KDM1A: variants seen among roughly 807,000 people sequenced by gnomAD.
The protein encoded by KDM1A is lysine demethylase 1A.
In KDM1A, 49 loss-of-function variants were observed where a neutral mutation model predicts 109.4. That is an observed-to-expected ratio of 0.45 (90% CI 0.36 to 0.57). The LOEUF is 0.57. Ranked by LOEUF, KDM1A falls within the 20% of genes least tolerant of loss-of-function variation. The pLI, the probability that KDM1A is intolerant of heterozygous loss-of-function variation, is 0.00. For missense variants in KDM1A, 668 were observed against 1,116.6 expected, an observed-to-expected ratio of 0.60 and a Z score of 5.73; for synonymous variants, 380 against 415.4, an observed-to-expected ratio of 0.91 and a Z score of 1.04.
chr1:23,080,510 C>G (rs546882797), intron 18 of KDM1A, among the ~76,000 whole-genome samples: 13 of 152,322 alleles, frequency 8.5e-5, no homozygotes, highest in Non-Finnish European at 1.8e-4. Flanking sequence ...TAGTGACTTT[C>G]TACTGCTGAA....
At chr1:23,081,950 G>A in intron 19 of KDM1A, 1 of 441,700 alleles carries the variant, frequency 2.3e-6, no homozygotes, top group Non-Finnish European at 4.0e-6. Flanking sequence ...GAAGGATATT[G>A]TGAATTTATA....
Position 23,019,781 on chromosome 1 carries a change from A to G in KDM1A, c.185A>G (p.Lys62Arg). The change falls in exon 1 of 21, where the codon AAG (lysine) becomes AGG (arginine). Residue 62 changes from lysine (K) to arginine (R), a missense_variant. Coordinates refer to ENST00000400181, the MANE Select transcript of KDM1A (RefSeq NM_001009999.3). The stretch of plus-strand genomic sequence containing the variant: ...GCGGTGGGGGAGCGCACACCCCGCA[A>G]GAAAGAGCCTCCGCGGGCCTCGCCC... ...PGAVGERTPRKKEPPRASPPG... is the reference protein window; with the variant it reads ...PGAVGERTPRRKEPPRASPPG... 1 of 1,376,742 alleles carries G rather than the reference A, an allele frequency of 7.3e-7. No homozygotes were observed. The highest frequency in any genetic ancestry group is 9.4e-7 in the Non-Finnish European group (1 of 1,064,338). 85.3% of individuals were successfully genotyped at this position (1,376,742 alleles called of 1,614,324 possible).
At chr1:23,028,498 T>A (rs555127505) in intron 1 of KDM1A, among the ~76,000 whole-genome samples, 1 of 152,242 alleles carries the variant, frequency 6.6e-6, no homozygotes, top group South Asian at 2.1e-4. Context: ...TATTAGTCTT[T>A]GTTTTTGTCT....
chr1:23,039,567 G>A (rs1049077444), intron 2 of KDM1A, among the ~76,000 whole-genome samples: 4 of 152,122 alleles, frequency 2.6e-5, no homozygotes, highest in Non-Finnish European at 5.9e-5. Context: ...TTTGGGTACT[G>A]GAAAGGGATC....
chr1:23,078,840 C>T, intron 16 of KDM1A, 150 bp from the exon 17 acceptor site: 2 of 728,364 alleles, frequency 2.7e-6, no homozygotes, highest in South Asian at 3.7e-5. Flanking sequence ...TTCACCTCTA[C>T]CTCAGTTTTC....
At chr1:23,068,467 A>T in intron 10 of KDM1A, 72 bp from the exon 11 acceptor site, 1 of 1,258,368 alleles carries the variant, frequency 7.9e-7, no homozygotes, top group Non-Finnish European at 1.1e-6. Flanking sequence ...TAAACTATAG[A>T]GCATTTGTGT....
At position 23,030,465 on chromosome 1, in the gene KDM1A, A is replaced by G. The variant is rs908397426; in HGVS notation, c.352-4A>G. The G allele has an allele frequency of 1.9e-6, 3 of 1,552,928 alleles. No homozygotes were observed. The highest frequency in any genetic ancestry group is 2.6e-6 in the Non-Finnish European group (3 of 1,157,014). ...TAGCTTTCCCTGGTATGATCTCCAT[A>G]TAGGTAGAGTACAGAGAGATGGATG... On this transcript the variant is annotated splice_polypyrimidine_tract_variant and splice_region_variant and intron_variant, in intron 1 of 20. Transcript: ENST00000400181.
Position 23,056,018 on chromosome 1 carries a change from G to T in KDM1A, c.970G>T (p.Val324Phe), listed in dbSNP as rs1642819184. 1 of 1,612,094 alleles carries T rather than the reference G, an allele frequency of 6.2e-7. No individual in the cohort carries two copies. The highest frequency in any genetic ancestry group is 1.3e-5 in the African/African-American group (1 of 74,846). The part of the protein sequence containing the change: ...ARQLQSFGMD[V>F]TLLEARDRVG... ...ACAGTTACAAAGTTTTGGAATGGATGTCACACTTTTGGAAGCCAGGGTAAG... is the reference window on the plus strand; with the variant it reads ...ACAGTTACAAAGTTTTGGAATGGATTTCACACTTTTGGAAGCCAGGGTAAG... The change falls in exon 7 of 21, where the codon GTC becomes TTC. Residue 324 changes from valine to phenylalanine, a missense_variant. Val to Phe is a conservative substitution (Grantham distance 50). Transcript: ENST00000400181.
At chr1:23,027,298 A>C (rs907458415) in intron 1 of KDM1A, among the ~76,000 whole-genome samples, 1 of 152,002 alleles carries the variant, frequency 6.6e-6, no homozygotes, top group African/African-American at 2.4e-5. Context: ...CAGCGACTAG[A>C]CCACCAGGGA....
chr1:23,072,625 TTC>T (rs912515657), intron 14 of KDM1A, among the ~76,000 whole-genome samples: 5 of 152,158 alleles, frequency 3.3e-5, no homozygotes, highest in Non-Finnish European at 5.9e-5. Context: ...ATCTGTTCTG[TTC>T]TGTATTCAAG....
At chr1:23,057,724 C>G (rs753573973) in intron 8 of KDM1A, 159 bp downstream of exon 8, 1 of 378,734 alleles carries the variant, frequency 2.6e-6, no homozygotes, top group Admixed American at 4.2e-5. Context: ...TTGTACATAT[C>G]TTTTGACCTA....
At chr1:23,053,966 C>G in intron 5 of KDM1A, 127 bp downstream of exon 5, 1 of 634,474 alleles carries the variant, frequency 1.6e-6, no homozygotes, top group Non-Finnish European at 2.9e-6. Context: ...TCACCTTGTG[C>G]TGTGCAAAAA....
chr1:23,059,265 A>G (rs969093754), intron 9 of KDM1A, 98 bp downstream of exon 9: 23 of 801,572 alleles, frequency 2.9e-5, no homozygotes, highest in Non-Finnish European at 5.0e-5. Context: ...ATATACACAT[A>G]TAGAGGTGTA....
At position 23,019,548 on chromosome 1, in the gene KDM1A, G is replaced by A. The variant is rs1641539496; in HGVS notation, c.-49G>A. 1 of 1,348,610 alleles carries A rather than the reference G, an allele frequency of 7.4e-7. No individual in the cohort carries two copies. Among genetic ancestry groups the A allele is most frequent in the South Asian group, 2.0e-5 (1 of 49,022 alleles). The allele number at this position is 1,348,610 out of a possible 1,614,324, so 83.5% of individuals were successfully genotyped here. On this transcript the variant is annotated 5_prime_UTR_variant, in exon 1 of 21. Transcript: ENST00000400181. ...AGGCAAGGCTTTTCGGACCCACGGAGCGACAGAGCGAGCGGCCCCTACGGC... is the reference window on the plus strand; with the variant it reads ...AGGCAAGGCTTTTCGGACCCACGGAACGACAGAGCGAGCGGCCCCTACGGC...
chr1:23,080,333 C>T (rs1469075106), intron 18 of KDM1A, among the ~76,000 whole-genome samples: 1 of 152,106 alleles, frequency 6.6e-6, no homozygotes, highest in East Asian at 1.9e-4. Flanking sequence ...AGAGCAGCAG[C>T]GTGTCTTTTC....
At chr1:23,049,639 C>T (rs538573361) in intron 3 of KDM1A, among the ~76,000 whole-genome samples, 39 of 150,536 alleles carry the variant, frequency 2.6e-4, no homozygotes, top group African/African-American at 8.3e-4. Flanking sequence ...GAGCCAAGAT[C>T]GCACCACTAC....
At position 23,054,709 on chromosome 1, in the gene KDM1A, T is replaced by C. The variant is rs1035533391; in HGVS notation, c.791-360T>C. On this transcript the variant is annotated intron_variant, in intron 5 of 20. Coordinates refer to ENST00000400181, the MANE Select transcript of KDM1A (RefSeq NM_001009999.3). ...AGGTACAGTCATAGCTCCCTGTAGC[T>C]AGGAACTCCTGGGCTCAGGTGATCC... 2.0e-5 allele frequency among the ~76,000 whole-genome samples: 3 copies of C among 152,108 alleles called. No individual in the cohort carries two copies. The East Asian group carries it at 5.8e-4, about 29-fold the overall frequency.
chr1:23,030,701 A>G, intron 2 of KDM1A, 67 bp downstream of exon 2: 1 of 1,427,672 alleles, frequency 7.0e-7, no homozygotes, highest in Non-Finnish European at 9.4e-7. Flanking sequence ...ATTTATTTCC[A>G]TTTTGCAATA....
chr1:23,020,758 T>C (rs1641600916), intron 1 of KDM1A, among the ~76,000 whole-genome samples: 1 of 152,162 alleles, frequency 6.6e-6, no homozygotes, highest in South Asian at 2.1e-4. Context: ...ATGAGTAAAC[T>C]GAGGCACACA....
Sources: allele counts gnomAD v4.1 joint callset (sites outside exome capture counted in the v4.1 genomes callset), GRCh38; gene constraint gnomAD v4.1.1; transcripts MANE v1.5; gene names NCBI Gene and HGNC (gene_info 2026-07-23, HGNC 2026-07-21).